MGMT: variants seen among roughly 807,000 people sequenced by gnomAD.
The protein encoded by MGMT is methylated-DNA--protein-cysteine methyltransferase.
Under a neutral mutation model 15.9 loss-of-function variants are expected in MGMT, and 14 were observed. The observed-to-expected ratio is 0.88, with a 90% confidence interval of 0.58 to 1.37. The LOEUF is 1.37. MGMT is among the 40% of genes most tolerant of loss of function. The probability of loss-of-function intolerance (pLI) is 0.00; values close to 1 mark genes in which losing one functional copy is unlikely to be tolerated. For synonymous variants in MGMT, 130 were observed against 118.2 expected, an observed-to-expected ratio of 1.10 and a Z score of -0.65; for missense variants, 282 against 268.1, an observed-to-expected ratio of 1.05 and a Z score of -0.36.
chr10:129,536,387 A>G lies in MGMT; in HGVS notation c.125+10A>G, dbSNP rs116671988. On this transcript the variant is annotated intron_variant, in intron 2 of 4. Coordinates refer to ENST00000651593, the MANE Select transcript of MGMT (RefSeq NM_002412.5). ...GGACGTCTGCAGCTGAGTAAGTATG[A>G]GCCCACGTGATCCTGTATACCGCAC... 7 of 1,610,104 alleles carry G rather than the reference A, an allele frequency of 4.3e-6. No individual in the cohort carries two copies. Among genetic ancestry groups the G allele is most frequent in the Admixed American group, 3.4e-5 (2 of 58,344 alleles).
intron 2 of MGMT, among the ~76,000 whole-genome samples, chr10:129,578,126 A>C (rs368401101): frequency 6.6e-6 from 1 of 152,316 alleles, no homozygotes; most frequent in African/African-American, 2.4e-5. Context: ...TCAGTGTGGC[A>C]ATTCCTCAAG....
intron 1 of MGMT, among the ~76,000 whole-genome samples, chr10:129,484,833 C>A (rs1268994913): frequency 6.6e-6 from 1 of 151,860 alleles, no homozygotes; most frequent in African/African-American, 2.4e-5. Context: ...AGGTCCAGAC[C>A]AGGTTTTAGT....
At chr10:129,471,166 C>T (rs1184564056) in intron 1 of MGMT, among the ~76,000 whole-genome samples, 2 of 152,138 alleles carry the variant, frequency 1.3e-5, no homozygotes, top group Non-Finnish European at 2.9e-5. Context: ...TTCTGCCAGT[C>T]GCAATAATGT....
At chr10:129,487,927 G>C (rs1457092237) in intron 1 of MGMT, among the ~76,000 whole-genome samples, 1 of 142,734 alleles carries the variant, frequency 7.0e-6, no homozygotes, top group Non-Finnish European at 1.5e-5. Flanking sequence ...GTGTGTGTGT[G>C]TGTGTGTGTA....
intron 1 of MGMT, among the ~76,000 whole-genome samples, chr10:129,478,244 C>T (rs556357563): frequency 1.3e-5 from 2 of 152,154 alleles, no homozygotes; most frequent in African/African-American, 4.8e-5. Context: ...TTTTTTCCCC[C>T]CCTCCAGATT....
chr10:129,606,562 C>A (rs1372636937), intron 2 of MGMT, among the ~76,000 whole-genome samples: 1 of 152,146 alleles, frequency 6.6e-6, no homozygotes, highest in Non-Finnish European at 1.5e-5. Context: ...TTTGTGCCTG[C>A]AAAATTGTTA....
rs923830226 is a variant in MGMT, at chr10:129,707,914, C to G, written c.145C>G (p.Pro49Ala). The G allele has an allele frequency of 6.2e-7, 1 of 1,611,852 alleles. No homozygotes were observed. The highest frequency in any genetic ancestry group is 8.5e-7 in the Non-Finnish European group (1 of 1,179,978). Residue 49 changes from proline to alanine, a missense_variant, in exon 3 of 5, where the codon CCC becomes GCC. Coordinates refer to ENST00000651593, the MANE Select transcript of MGMT (RefSeq NM_002412.5). The stretch of plus-strand genomic sequence containing the variant: ...TTGCAGTGCCGTGGAGGTCCCAGCC[C>G]CCGCTGCGGTTCTCGGAGGTCCGGA... ...SAADAVEVPA[P>A]AAVLGGPEPL...
intron 2 of MGMT, among the ~76,000 whole-genome samples, chr10:129,645,158 C>T (rs896415977): frequency 2.9e-5 from 4 of 139,042 alleles, no homozygotes; most frequent in Admixed American, 7.6e-5. Context: ...CTTGCTCTGT[C>T]ACCCATGCTG....
At chr10:129,709,826 T>G (rs1053648744) in intron 3 of MGMT, among the ~76,000 whole-genome samples, 4 of 152,044 alleles carry the variant, frequency 2.6e-5, no homozygotes, top group Non-Finnish European at 5.9e-5. Context: ...GAGAGTGGTG[T>G]GCTCTCAGGC....
chr10:129,555,090 G>A (rs748352564), intron 2 of MGMT, among the ~76,000 whole-genome samples: 1 of 152,216 alleles, frequency 6.6e-6, no homozygotes. Flanking sequence ...TGCCGTTGAT[G>A]AGGATGACGA....
intron 2 of MGMT, among the ~76,000 whole-genome samples, chr10:129,629,000 G>A (rs555331007): frequency 9.2e-5 from 14 of 152,304 alleles, no homozygotes; most frequent in Admixed American, 4.6e-4. Context: ...ACCCATGTGG[G>A]AAGGGCTCTT....
Position 129,753,350 on chromosome 10 carries a change from CA to C in MGMT, c.275-5851del, listed in dbSNP as rs1220917790. Among the ~76,000 whole-genome samples, 13 of 152,252 alleles carry C rather than the reference CA, an allele frequency of 8.5e-5. 1 individual carries two copies. On this transcript the variant is annotated intron_variant, in intron 3 of 4. Transcript: ENST00000651593. ...CAGTTTTTTGGGCATCTTAAATCTA[CA>C]GTTGTGTATCTTTTGCCAAATTTGA... is the stretch of plus-strand genomic sequence containing the variant.
intron 2 of MGMT, among the ~76,000 whole-genome samples, chr10:129,619,417 T>A (rs1388035699): frequency 6.6e-6 from 1 of 152,182 alleles, no homozygotes; most frequent in African/African-American, 2.4e-5. Context: ...GCTGGTTATA[T>A]TTGCTAATAT....
chr10:129,479,792 G>A (rs951518282), intron 1 of MGMT, among the ~76,000 whole-genome samples: 2 of 151,908 alleles, frequency 1.3e-5, no homozygotes, highest in African/African-American at 2.4e-5. Context: ...GGGTTGGGGT[G>A]GGGGTGGAGT....
At chr10:129,479,861 A>G (rs1377465013) in intron 1 of MGMT, among the ~76,000 whole-genome samples, 1 of 152,138 alleles carries the variant, frequency 6.6e-6, no homozygotes, top group East Asian at 1.9e-4. Flanking sequence ...GTTTGGTCTC[A>G]GAGCCTTTTT....
rs573191649 is a variant in MGMT, at chr10:129,528,618, C to A, written c.-12-7623C>A. On this transcript the variant is annotated intron_variant, in intron 1 of 4. Coordinates refer to ENST00000651593, the MANE Select transcript of MGMT (RefSeq NM_002412.5). ...TGGGACCATTTGGGCTAGGGGGCCC[C>A]CAAAGAGACCTGCCGTGTGGAGACT... 3.3e-5 allele frequency among the ~76,000 whole-genome samples: 5 copies of A among 151,306 alleles called. No homozygotes were observed. In the East Asian group the frequency reaches 5.9e-4, roughly 18 times the overall value.
intron 2 of MGMT, among the ~76,000 whole-genome samples, chr10:129,652,047 G>T (rs539066770): frequency 6.6e-6 from 1 of 152,206 alleles, no homozygotes; most frequent in Non-Finnish European, 1.5e-5. Flanking sequence ...GAAAGGTTCC[G>T]GGAAAGCTGC....
intron 2 of MGMT, among the ~76,000 whole-genome samples, chr10:129,686,735 G>T (rs1176351650): frequency 6.6e-6 from 1 of 152,180 alleles, no homozygotes; most frequent in Non-Finnish European, 1.5e-5. Context: ...TTTCCTAAAT[G>T]CCTGGCATAG....
intron 2 of MGMT, among the ~76,000 whole-genome samples, chr10:129,581,912 G>A (rs1225052022): frequency 6.6e-6 from 1 of 152,216 alleles, no homozygotes; most frequent in Non-Finnish European, 1.5e-5. Context: ...ATAGGAAAGT[G>A]TACTCAATCA....
Sources: gnomAD v4.1 joint callset for allele counts (sites outside exome capture counted in the v4.1 genomes callset) on GRCh38, gnomAD v4.1.1 for gene constraint, MANE v1.5 for transcripts, NCBI Gene and HGNC (gene_info 2026-07-23, HGNC 2026-07-21) for gene names.